The following LRIG2 variants were observed in gnomAD, a reference collection of about 807,000 sequenced individuals.
LRIG2 encodes leucine rich repeats and immunoglobulin like domains 2, also known as leucine-rich repeats and immunoglobulin-like domains protein 2.
In LRIG2, 93 loss-of-function variants were observed where a neutral mutation model predicts 107.8. The ratio of observed to expected loss-of-function variants is 0.86; its 90% CI spans 0.73 to 1.03. The LOEUF (loss-of-function observed/expected upper bound fraction) is 1.03. Among genes scored for constraint, LRIG2 ranks in the 50% least tolerant of loss-of-function variants. The probability of loss-of-function intolerance (pLI) is 0.00; values close to 1 mark genes in which losing one functional copy is unlikely to be tolerated. For missense variants in LRIG2, 1,226 were observed against 1,296.0 expected, an observed-to-expected ratio of 0.95 and a Z score of 0.83; for synonymous variants, 471 against 470.6, an observed-to-expected ratio of 1.00 and a Z score of -0.01.
chr1:113,097,093 A>C (rs1654100505), intron 8 of LRIG2, among the ~76,000 whole-genome samples: 1 of 152,082 alleles, frequency 6.6e-6, no homozygotes, highest in African/African-American at 2.4e-5. Context: ...TGGTTGCTAA[A>C]GGCAGTTTCC....
At chr1:113,088,965 C>G (rs187616902) in intron 1 of LRIG2, among the ~76,000 whole-genome samples, 3 of 152,064 alleles carry the variant, frequency 2.0e-5, no homozygotes, top group Non-Finnish European at 4.4e-5. Context: ...TGAGCTGATA[C>G]CTTGTGCCAG....
rs186275930 is a variant in LRIG2 at position 113,127,071 on chromosome 1, A to G, written c.*2970A>G. On this transcript the variant is annotated 3_prime_UTR_variant, in exon 18 of 18. Coordinates refer to ENST00000361127, the MANE Select transcript of LRIG2 (RefSeq NM_014813.3). ...CTTTGTGCTTTCTCTGAATGGGAAT[A>G]TCTTCTTTCAGCAAAGTTCTTCATT... is the stretch of plus-strand genomic sequence containing the variant. 3.9e-5 allele frequency: 6 copies of G among 152,342 alleles called. No individual in the cohort carries two copies. Among genetic ancestry groups the G allele is most frequent in the African/African-American group, 1.4e-4 (6 of 41,582 alleles). 9.4% of individuals were successfully genotyped at this position (152,342 alleles called of 1,614,324 possible).
chr1:113,109,290 C>A (rs1267188615), intron 12 of LRIG2, among the ~76,000 whole-genome samples: 1 of 152,212 alleles, frequency 6.6e-6, no homozygotes, highest in Non-Finnish European at 1.5e-5. Context: ...CTGCTTCTCT[C>A]AATCAGTCCA....
intron 1 of LRIG2, among the ~76,000 whole-genome samples, chr1:113,082,195 G>A (rs1057085142): frequency 3.9e-5 from 6 of 152,120 alleles, no homozygotes; most frequent in African/African-American, 1.4e-4. Flanking sequence ...CTTTATCCTG[G>A]TATATCTGGG....
In LRIG2 at chr1:113,128,662, A is replaced by G. The variant is rs2101080583; in HGVS notation, c.*4561A>G. 1 of 152,322 alleles carries G rather than the reference A, an allele frequency of 6.6e-6. No individual in the cohort carries two copies. Among genetic ancestry groups the G allele is most frequent in the Middle Eastern group, 3.4e-3 (1 of 294 alleles). The allele number at this position is 152,322 out of a possible 1,614,324, so 9.4% of individuals were successfully genotyped here. ...TTTATAGCAGGAGTAATGGTCTAAGAAATACTCATTAGGAGAAAAAAATTC... is the reference window on the plus strand; with the variant it reads ...TTTATAGCAGGAGTAATGGTCTAAGGAATACTCATTAGGAGAAAAAAATTC... On this transcript the variant is annotated 3_prime_UTR_variant, in exon 18 of 18. Transcript: ENST00000361127.
intron 6 of LRIG2, 60 bp downstream of exon 6, chr1:113,094,815 GTC>G (rs1653980407): frequency 2.0e-6 from 3 of 1,523,084 alleles, no homozygotes; most frequent in Non-Finnish European, 2.7e-6. Context: ...ACTTTTCAGT[GTC>G]GAATGGCTAG....
chr1:113,111,856 G>A (rs1050081308), intron 13 of LRIG2, among the ~76,000 whole-genome samples: 1 of 152,124 alleles, frequency 6.6e-6, no homozygotes, highest in Non-Finnish European at 1.5e-5. Flanking sequence ...CATGCAGGCT[G>A]GAGTGCAGTG....
chr1:113,119,367 G>A lies in LRIG2; in HGVS notation c.2815G>A (p.Val939Ile). 3.1e-6 allele frequency: 5 copies of A among 1,613,902 alleles called. No individual in the cohort carries two copies. The highest frequency in any genetic ancestry group is 4.2e-6 in the Non-Finnish European group (5 of 1,180,000). Reference sequence around the variant, plus strand: ...TGATCAGACACTGTCCAGCCTCATGGTCCAAATGCCTAAAGAGACATATTT... The same window carrying A: ...TGATCAGACACTGTCCAGCCTCATGATCCAAATGCCTAAAGAGACATATTT... ...VLDQTLSSLM[V>I]QMPKETYLVH... Residue 939 changes from valine (V) to isoleucine (I), a missense_variant, in exon 17 of 18, where the codon GTC becomes ATC. Coordinates refer to ENST00000361127, the MANE Select transcript of LRIG2 (RefSeq NM_014813.3).
At chr1:113,103,005 C>T (rs114879903) in intron 11 of LRIG2, among the ~76,000 whole-genome samples, 40,623 of 76,024 alleles carry the variant, frequency 0.53, 6,879 homozygotes, top group South Asian at 0.62. Context: ...CTCCGCCCCC[C>T]TCCTTTTTTT....
chr1:113,117,302 G>A (rs1655062319), intron 16 of LRIG2, among the ~76,000 whole-genome samples: 1 of 152,148 alleles, frequency 6.6e-6, no homozygotes, highest in South Asian at 2.1e-4. Flanking sequence ...ACAATAATTT[G>A]TAAAGCACTT....
rs1163070116 is a variant in LRIG2 at position 113,073,200 on chromosome 1, A to G, written c.-207A>G. ...GACGTTGCGCCGTGGGGAGGGGCGG[A>G]CGAGAGGTGTCCGTCAGGCCGTGTG... On this transcript the variant is annotated 5_prime_UTR_variant, in exon 1 of 18. Transcript: ENST00000361127. 8.6e-6 allele frequency: 5 copies of G among 578,432 alleles called. No individual in the cohort carries two copies. The highest frequency in any genetic ancestry group is 4.6e-4 in the Middle Eastern group (1 of 2,194). 35.8% of individuals were successfully genotyped at this position (578,432 alleles called of 1,614,324 possible). A position where few individuals can be genotyped will look rare whatever the true frequency, so the allele number is the denominator to read the frequency against.
At chr1:113,117,088 C>T (rs1241793291) in intron 16 of LRIG2, among the ~76,000 whole-genome samples, 1 of 152,210 alleles carries the variant, frequency 6.6e-6, no homozygotes, top group African/African-American at 2.4e-5. Context: ...GACATCCCAA[C>T]ACGTAGAGAT....
At chr1:113,075,374 G>A (rs961158448) in intron 1 of LRIG2, among the ~76,000 whole-genome samples, 1 of 152,182 alleles carries the variant, frequency 6.6e-6, no homozygotes, top group Non-Finnish European at 1.5e-5. Flanking sequence ...AGGAAAGAAA[G>A]CTACCTCATG....
At chr1:113,120,343 G>A (rs973673089) in intron 17 of LRIG2, among the ~76,000 whole-genome samples, 3 of 151,588 alleles carry the variant, frequency 2.0e-5, no homozygotes, top group African/African-American at 4.8e-5. Flanking sequence ...CCACCTACTC[G>A]GGAAGCTGAG....
At chr1:113,118,760 GTTCACGCCATC>G (rs1655120772) in intron 16 of LRIG2, among the ~76,000 whole-genome samples, 1 of 152,046 alleles carries the variant, frequency 6.6e-6, no homozygotes, top group Non-Finnish European at 1.5e-5. Flanking sequence ...CGCCTCCCGG[GTTCACGCCATC>G]TTCCTGCCTC....
chr1:113,093,239 G>T lies in LRIG2; in HGVS notation c.339G>T (p.Pro113=), dbSNP rs11803863. The change falls in exon 3 of 18, where the codon CCG becomes CCT. Residue 113 remains proline (P), a synonymous_variant. Coordinates refer to ENST00000361127, the MANE Select transcript of LRIG2 (RefSeq NM_014813.3). ...ATTACAATGAACTAACAGAAATCCCGTATTTTGGAGAACCTACATCTAATA... is the reference window on the plus strand; with the variant it reads ...ATTACAATGAACTAACAGAAATCCCTTATTTTGGAGAACCTACATCTAATA... ...KMNYNELTEI[P]YFGEPTSNIT... The T allele has an allele frequency of 7.5e-6, 12 of 1,597,922 alleles. No individual in the cohort carries two copies. The highest frequency in any genetic ancestry group is 1.3e-5 in the African/African-American group (1 of 74,428).
Position 113,124,216 on chromosome 1 carries a change from T to C in LRIG2, c.*115T>C, listed in dbSNP as rs942910744. On this transcript the variant is annotated 3_prime_UTR_variant, in exon 18 of 18. Transcript: ENST00000361127. ...ATTTGCTTTACTCTTTCTTTATGAT[T>C]GCATCTGACCGCACCAAGGTGGGCC... The C allele has an allele frequency of 1.7e-5, 15 of 894,606 alleles. No individual in the cohort carries two copies. The highest frequency in any genetic ancestry group is 5.2e-6 in the Non-Finnish European group (3 of 579,158). 55.4% of individuals were successfully genotyped at this position (894,606 alleles called of 1,614,324 possible). A position where few individuals can be genotyped will look rare whatever the true frequency, so the allele number is the denominator to read the frequency against.
chr1:113,100,367 G>T, intron 10 of LRIG2, 53 bp from the exon 11 acceptor site: 1 of 1,438,016 alleles, frequency 7.0e-7, no homozygotes, highest in Non-Finnish European at 9.7e-7. Context: ...AAGTGTTTAT[G>T]TAACTTGATA....
chr1:113,109,958 A>G (rs1654700782), intron 12 of LRIG2, among the ~76,000 whole-genome samples: 1 of 152,196 alleles, frequency 6.6e-6, no homozygotes, highest in Admixed American at 6.5e-5. Flanking sequence ...CACAGGTGAC[A>G]GTAAGGGCTA....
Sources: allele counts gnomAD v4.1 joint callset (sites outside exome capture counted in the v4.1 genomes callset), GRCh38; gene constraint gnomAD v4.1.1; transcripts MANE v1.5; gene names NCBI Gene and HGNC (gene_info 2026-07-23, HGNC 2026-07-21).